The following KDM2A variants were observed in gnomAD, a reference collection of about 807,000 sequenced individuals.
KDM2A encodes the protein lysine-specific demethylase 2A.
Under a neutral mutation model 137.3 loss-of-function variants are expected in KDM2A, and 3 were observed. The observed-to-expected ratio is 0.02, with a 90% CI of 0.01 to 0.06. The LOEUF is 0.06. Ranked by LOEUF, KDM2A falls within the 10% of genes least tolerant of loss-of-function variation. The pLI is 1.00. For synonymous variants in KDM2A, 512 were observed against 541.5 expected, an observed-to-expected ratio of 0.95 and a Z score of 0.76; for missense variants, 738 against 1,510.6, an observed-to-expected ratio of 0.49 and a Z score of 8.48.
Position 67,231,853 on chromosome 11 carries a change from C to T in KDM2A, c.1372C>T (p.Leu458Phe), listed in dbSNP as rs768001013. 1.9e-6 allele frequency: 3 copies of T among 1,613,898 alleles called. No homozygotes were observed. Among genetic ancestry groups the T allele is most frequent in the South Asian group, 1.1e-5 (1 of 91,090 alleles). ...DRQVHLTHFELEGLRCLVDKL... is the reference protein window; with the variant it reads ...DRQVHLTHFEFEGLRCLVDKL... ...GCAAGTGCATCTGACCCATTTTGAG[C>T]TTGAAGGCCTTCGCTGCCTTGTAGA... Residue 458 changes from leucine (L) to phenylalanine (F), a missense_variant, in exon 12 of 21, where the codon CTT becomes TTT. Physicochemically the swap from Leu to Phe is conservative, Grantham distance 22 (BLOSUM62 0). Transcript: ENST00000529006.
At chr11:67,244,947 CTG>C (rs1293835182) in intron 13 of KDM2A, 2 of 449,964 alleles carry the variant, frequency 4.4e-6, no homozygotes, top group Non-Finnish European at 8.0e-6. Context: ...GATCATGCCA[CTG>C]TATTCCAGCC....
intron 17 of KDM2A, chr11:67,252,370 A>G: frequency 2.9e-6 from 1 of 339,988 alleles, no homozygotes; most frequent in South Asian, 2.6e-5. Flanking sequence ...TGCCATTTTA[A>G]TACAGATGAA....
chr11:67,202,084 C>A (rs549286740), intron 5 of KDM2A, among the ~76,000 whole-genome samples: 1 of 152,086 alleles, frequency 6.6e-6, no homozygotes, highest in Admixed American at 6.6e-5. Flanking sequence ...TTCAAGACTT[C>A]AGTGGAGGAA....
intron 10 of KDM2A, among the ~76,000 whole-genome samples, chr11:67,225,320 T>C (rs1858505644): frequency 6.6e-6 from 1 of 152,188 alleles, no homozygotes; most frequent in South Asian, 2.1e-4. Flanking sequence ...CTAGAAAACA[T>C]AGCATTCCTA....
intron 2 of KDM2A, among the ~76,000 whole-genome samples, chr11:67,164,315 A>G (rs757034033): frequency 6.6e-6 from 1 of 152,206 alleles, no homozygotes; most frequent in South Asian, 2.1e-4. Context: ...GATTTCAGAT[A>G]TAAGAATTTT....
chr11:67,149,528 A>G (rs1276189089), intron 2 of KDM2A, among the ~76,000 whole-genome samples: 1 of 152,090 alleles, frequency 6.6e-6, no homozygotes, highest in Non-Finnish European at 1.5e-5. Flanking sequence ...TTTTACAGAT[A>G]AGGCTAAAGA....
chr11:67,223,026 C>CTA (rs1055243458), intron 10 of KDM2A, among the ~76,000 whole-genome samples: 1 of 151,780 alleles, frequency 6.6e-6, no homozygotes, highest in Non-Finnish European at 1.5e-5. Flanking sequence ...AACCCTGTCT[C>CTA]TACTAAAAAT....
intron 6 of KDM2A, among the ~76,000 whole-genome samples, chr11:67,212,782 T>C (rs1412565179): frequency 2.8e-5 from 4 of 143,100 alleles, no homozygotes; most frequent in African/African-American, 1.0e-4. Flanking sequence ...GAATGCGTGG[T>C]AAAAAAAAAA....
At chr11:67,205,827 C>A (rs1857789815) in intron 5 of KDM2A, among the ~76,000 whole-genome samples, 1 of 151,984 alleles carries the variant, frequency 6.6e-6, no homozygotes, top group South Asian at 2.1e-4. Flanking sequence ...CCTTCCTTGA[C>A]CACCATTTTC....
intron 12 of KDM2A, among the ~76,000 whole-genome samples, chr11:67,232,555 A>G (rs1858746707): frequency 6.6e-6 from 1 of 152,212 alleles, no homozygotes; most frequent in Admixed American, 6.5e-5. Context: ...TTACATAGAC[A>G]TACATGTGCC....
intron 2 of KDM2A, among the ~76,000 whole-genome samples, chr11:67,124,022 G>A (rs2136276668): frequency 6.6e-6 from 1 of 151,778 alleles, no homozygotes; most frequent in Admixed American, 6.6e-5. Flanking sequence ...TGTTTGTTTT[G>A]AGACTGAGTC....
At chr11:67,125,285 A>G (rs574704541) in intron 2 of KDM2A, among the ~76,000 whole-genome samples, 7 of 150,322 alleles carry the variant, frequency 4.7e-5, no homozygotes, top group African/African-American at 1.7e-4. Flanking sequence ...GTCTCGAGTG[A>G]TCTTCCCACG....
At position 67,189,371 on chromosome 11, in the gene KDM2A, T is replaced by C. The variant is rs548163418; in HGVS notation, c.307+7479T>C. 8.5e-4 allele frequency among the ~76,000 whole-genome samples: 130 copies of C among 152,270 alleles called. 1 individual carries two copies. The highest frequency in any genetic ancestry group is 2.8e-3 in the African/African-American group (116 of 41,560). On this transcript the variant is annotated intron_variant, in intron 5 of 20. Coordinates refer to ENST00000529006, the MANE Select transcript of KDM2A (RefSeq NM_012308.3). ...ACACAACACAGCCTACCAAAACTTA[T>C]AGGGATCAGTGAAAGCAACATTAAA...
At position 67,254,828 on chromosome 11, in the gene KDM2A, A is replaced by C; in HGVS notation, c.3308-46A>C. The stretch of plus-strand genomic sequence containing the variant: ...CTACAGGAATTGAATGGCAGAGGAA[A>C]GCTGTGTGTATGTGAGCACTGTCAT... On this transcript the variant is annotated intron_variant, in intron 20 of 20. Transcript: ENST00000529006. The surrounding 1 kb of genome is among the most constrained non-coding windows in gnomAD (Gnocchi z 4.7). 1 of 1,529,938 alleles carries C rather than the reference A, an allele frequency of 6.5e-7. No homozygotes were observed. Among genetic ancestry groups the C allele is most frequent in the Non-Finnish European group, 9.0e-7 (1 of 1,107,500 alleles). 94.8% of individuals were successfully genotyped at this position (1,529,938 alleles called of 1,614,324 possible). A position where few individuals can be genotyped will look rare whatever the true frequency, so the allele number is the denominator to read the frequency against.
chr11:67,203,239 C>A (rs974860809), intron 5 of KDM2A, among the ~76,000 whole-genome samples: 13 of 151,538 alleles, frequency 8.6e-5, no homozygotes, highest in African/African-American at 3.1e-4. Flanking sequence ...AGATACAGTG[C>A]TGTTGTACAC....
At chr11:67,139,994 G>A (rs147839805) in intron 2 of KDM2A, among the ~76,000 whole-genome samples, 1 of 152,178 alleles carries the variant, frequency 6.6e-6, no homozygotes, top group African/African-American at 2.4e-5. Context: ...GTGAGCCACC[G>A]CACCTGGCCT....
At chr11:67,181,443 G>A (rs374354689) in intron 4 of KDM2A, 45 bp downstream of exon 4, 82 of 1,305,430 alleles carry the variant, frequency 6.3e-5, no homozygotes, top group Non-Finnish European at 8.3e-5. Flanking sequence ...AAATGGCCTC[G>A]TTACACCCAG....
chr11:67,173,488 C>G (rs1263660183), intron 2 of KDM2A, among the ~76,000 whole-genome samples: 1 of 152,120 alleles, frequency 6.6e-6, no homozygotes, highest in African/African-American at 2.4e-5. Context: ...CAGCTCCTGA[C>G]CTCAATGATC....
rs1351781537 is a variant in KDM2A, at chr11:67,257,301, A to C, written c.*2246A>C. Reference sequence around the variant, plus strand: ...ACCGTGCACGTAAATTGGTCAGCAGAAAAGGGAGCCCAGAAAAGGCAGCAG... The same window carrying C: ...ACCGTGCACGTAAATTGGTCAGCAGCAAAGGGAGCCCAGAAAAGGCAGCAG... On this transcript the variant is annotated 3_prime_UTR_variant, in exon 21 of 21. Coordinates refer to ENST00000529006, the MANE Select transcript of KDM2A (RefSeq NM_012308.3). 6.6e-6 allele frequency: 1 copy of C among 152,556 alleles called. No homozygotes were observed. The highest frequency in any genetic ancestry group is 1.9e-4 in the East Asian group (1 of 5,192). 9.5% of individuals were successfully genotyped at this position (152,556 alleles called of 1,614,324 possible).
Sources: gnomAD v4.1 joint callset for allele counts (sites outside exome capture counted in the v4.1 genomes callset) on GRCh38, gnomAD v4.1.1 for gene constraint, Gnocchi (gnomAD v3.1) non-coding constraint, MANE v1.5 for transcripts, NCBI Gene and HGNC (gene_info 2026-07-23, HGNC 2026-07-21) for gene names.